The following DDX10 variants were observed in gnomAD, a reference collection of about 807,000 sequenced individuals.
DDX10 encodes the protein probable ATP-dependent RNA helicase DDX10.
DDX10 carries 74 observed loss-of-function variants against 104.3 expected under a neutral mutation model. The ratio of observed to expected loss-of-function variants is 0.71; its 90% CI spans 0.59 to 0.86. DDX10 has a LOEUF of 0.86. DDX10 is among the 40% of genes least tolerant of loss of function. The pLI is 0.00. For missense variants in DDX10, 952 were observed against 1,040.0 expected (o/e 0.92, Z 1.16); for synonymous variants, 351 against 353.4 (o/e 0.99, Z 0.08).
At chr11:108,860,379 T>A (rs376296593) in intron 16 of DDX10, among the ~76,000 whole-genome samples, 1 of 152,128 alleles carries the variant, frequency 6.6e-6, no homozygotes, top group Non-Finnish European at 1.5e-5. Context: ...TTGTAAATAG[T>A]TTGATGTTAA....
chr11:108,892,651 A>T (rs570633159), intron 16 of DDX10, among the ~76,000 whole-genome samples: 2 of 152,304 alleles, frequency 1.3e-5, no homozygotes, highest in East Asian at 3.9e-4. Flanking sequence ...TATTAATAGA[A>T]CTAGTGAAAA....
In DDX10 at chr11:108,851,400, T is replaced by C. The variant is rs530084160; in HGVS notation, c.2248-753T>C. 2.0e-5 allele frequency among the ~76,000 whole-genome samples: 3 copies of C among 152,306 alleles called. No individual in the cohort carries two copies. In the South Asian group the frequency reaches 6.2e-4, roughly 32 times the overall value. ...CTCAAAATCAGTAATTGGTGCCAACTTAATTTAGGCACAGATTGTTTAGAA... is the reference window on the plus strand; with the variant it reads ...CTCAAAATCAGTAATTGGTGCCAACCTAATTTAGGCACAGATTGTTTAGAA... On this transcript the variant is annotated intron_variant, in intron 15 of 17. Coordinates refer to ENST00000322536, the MANE Select transcript of DDX10 (RefSeq NM_004398.4).
At chr11:108,909,330 C>G (rs1565315646) in intron 16 of DDX10, among the ~76,000 whole-genome samples, 1 of 149,296 alleles carries the variant, frequency 6.7e-6, no homozygotes, top group Non-Finnish European at 1.5e-5. Flanking sequence ...GTTCTGTGCC[C>G]CACTCCCGCC....
chr11:108,823,096 C>A (rs1035808346), intron 13 of DDX10, among the ~76,000 whole-genome samples: 4 of 152,048 alleles, frequency 2.6e-5, no homozygotes, highest in African/African-American at 9.7e-5. Context: ...TTTACCCTTC[C>A]AAGTTCTGTA....
intron 16 of DDX10, among the ~76,000 whole-genome samples, chr11:108,875,471 G>C (rs933365138): frequency 9.2e-5 from 14 of 152,082 alleles, no homozygotes; most frequent in Non-Finnish European, 2.1e-4. Flanking sequence ...CAGTTTCAGG[G>C]GTTGTAAACT....
intron 16 of DDX10, among the ~76,000 whole-genome samples, chr11:108,907,332 C>T (rs904672506): frequency 1.4e-4 from 20 of 145,030 alleles, no homozygotes; most frequent in Non-Finnish European, 2.6e-4. Flanking sequence ...TCCATTGCCT[C>T]TTTTTTTTTT....
intron 16 of DDX10, among the ~76,000 whole-genome samples, chr11:108,914,493 T>G (rs893194551): frequency 1.3e-5 from 2 of 152,142 alleles, no homozygotes; most frequent in Non-Finnish European, 2.9e-5. Flanking sequence ...AAAACAGATA[T>G]AAGCAGCTCC....
At chr11:108,915,085 GACATAA>G (rs1189229030) in intron 16 of DDX10, among the ~76,000 whole-genome samples, 2 of 152,066 alleles carry the variant, frequency 1.3e-5, no homozygotes, top group Non-Finnish European at 1.5e-5. Flanking sequence ...ATGAAAAAGA[GACATAA>G]ACATATTTGA....
At chr11:108,728,307 G>A (rs905356410) in intron 13 of DDX10, among the ~76,000 whole-genome samples, 5 of 151,896 alleles carry the variant, frequency 3.3e-5, no homozygotes, top group South Asian at 2.1e-4. Context: ...GGGGCAGGGC[G>A]GGGGACTCTG....
chr11:108,811,895 G>GA (rs1217934844), intron 13 of DDX10, among the ~76,000 whole-genome samples: 2 of 148,164 alleles, frequency 1.3e-5, no homozygotes, highest in South Asian at 2.3e-4. Flanking sequence ...ATAAATATGG[G>GA]GGGGGGAAGA....
At chr11:108,882,267 C>T (rs1388617290) in intron 16 of DDX10, among the ~76,000 whole-genome samples, 1 of 152,170 alleles carries the variant, frequency 6.6e-6, no homozygotes, top group East Asian at 1.9e-4. Context: ...AATATGCCCC[C>T]ACACCTTTAC....
intron 13 of DDX10, among the ~76,000 whole-genome samples, chr11:108,817,990 A>G (rs1008637303): frequency 6.6e-6 from 1 of 152,248 alleles, no homozygotes; most frequent in African/African-American, 2.4e-5. Flanking sequence ...TGTGAAACGC[A>G]AAATAGTGAA....
intron 13 of DDX10, among the ~76,000 whole-genome samples, chr11:108,804,613 TG>T (rs1158790046): frequency 6.6e-6 from 1 of 152,132 alleles, no homozygotes; most frequent in Non-Finnish European, 1.5e-5. Flanking sequence ...ACAGCTTAGC[TG>T]GGATCTCTGC....
intron 13 of DDX10, among the ~76,000 whole-genome samples, chr11:108,739,160 A>G (rs1220739502): frequency 6.6e-6 from 1 of 152,212 alleles, no homozygotes; most frequent in East Asian, 1.9e-4. Flanking sequence ...CAAGATGTAC[A>G]GAAACATGAG....
chr11:108,717,219 CGATAGGGTAGCCT>C (rs1439802809), intron 11 of DDX10, among the ~76,000 whole-genome samples: 1 of 152,094 alleles, frequency 6.6e-6, no homozygotes, highest in Non-Finnish European at 1.5e-5. Flanking sequence ...CACCCTAAGT[CGATAGGGTAGCCT>C]GAGCAGAAAA....
At chr11:108,714,127 C>G (rs78236738) in intron 10 of DDX10, among the ~76,000 whole-genome samples, 22,578 of 152,220 alleles carry the variant, frequency 0.15, 1,846 homozygotes, top group East Asian at 0.25. Context: ...GGGAATTTTT[C>G]TGATATTTAC....
At chr11:108,868,437 A>G (rs1863036156) in intron 16 of DDX10, 1 of 152,010 alleles carries the variant, frequency 6.6e-6, no homozygotes, top group Non-Finnish European at 1.5e-5. Context: ...CTTCCCGCTA[A>G]CATGTACATA....
Position 108,723,030 on chromosome 11 carries a change from AT to A in DDX10, c.1536del (p.Leu513PhefsTer13), listed in dbSNP as rs2094300390. Reference sequence around the variant, plus strand: ...GTCTTGCTGTGGCACCACGCGTAAGATTTCTTCAGAAAATGCAGAAACAACC... The same window carrying A: ...GTCTTGCTGTGGCACCACGCGTAAGATTCTTCAGAAAATGCAGAAACAACC... ...LGLAVAPRVR[F>X]LQKMQKQPTK... is the part of the protein sequence containing the mutation. On this transcript the variant is annotated frameshift_variant, in exon 13 of 18. Transcript: ENST00000322536. LOFTEE classifies it high-confidence loss of function. 6.2e-7 allele frequency: 1 copy of A among 1,611,450 alleles called. No individual in the cohort carries two copies. The highest frequency in any genetic ancestry group is 1.7e-5 in the Admixed American group (1 of 59,424).
chr11:108,723,606 C>G, intron 13 of DDX10, 144 bp downstream of exon 13: 3 of 777,842 alleles, frequency 3.9e-6, no homozygotes, highest in Admixed American at 3.3e-5. Flanking sequence ...TTCCCCCATA[C>G]TTAAACACAG....
Sources: gnomAD v4.1 joint callset for allele counts (sites outside exome capture counted in the v4.1 genomes callset) on GRCh38, gnomAD v4.1.1 for gene constraint, MANE v1.5 for transcripts, NCBI Gene and HGNC (gene_info 2026-07-23, HGNC 2026-07-21) for gene names.